Variants in GRTP1 observed in about 807,000 individuals in gnomAD.
GRTP1 encodes the protein growth hormone regulated TBC protein 1, also known as growth hormone-regulated TBC protein 1.
A neutral mutation model predicts 38.1 loss-of-function variants in GRTP1; 56 were observed. The observed-to-expected ratio is 1.47, with a 90% CI of 1.19 to 1.84. The LOEUF is 1.84. Among genes scored for constraint, GRTP1 ranks in the 40% most tolerant of loss-of-function variants. The pLI, the probability that GRTP1 is intolerant of heterozygous loss-of-function variation, is 0.00. For synonymous variants in GRTP1, 217 were observed against 189.5 expected, an observed-to-expected ratio of 1.14 and a Z score of -1.19; for missense variants, 506 against 453.9, an observed-to-expected ratio of 1.11 and a Z score of -1.04.
At chr13:113,350,514 T>TACACATCCCACAGCAC (rs2043243455) in intron 4 of GRTP1, among the ~76,000 whole-genome samples, 1 of 125,608 alleles carries the variant, frequency 8.0e-6, no homozygotes, top group African/African-American at 3.2e-5. Context: ...CCTTCCAGCA[T>TACACATCCCACAGCAC]ACACACCCCA....
intron 3 of GRTP1, among the ~76,000 whole-genome samples, chr13:113,351,222 G>A (rs1033564150): frequency 2.0e-5 from 3 of 152,120 alleles, no homozygotes; most frequent in Non-Finnish European, 2.9e-5. Context: ...ACAGCAGAGC[G>A]ACCCCAGAGC....
chr13:113,340,696 C>T (rs1387497425), intron 5 of GRTP1, among the ~76,000 whole-genome samples: 4 of 151,996 alleles, frequency 2.6e-5, no homozygotes, highest in African/African-American at 7.2e-5. Context: ...AGGAGAATGG[C>T]GTGAACCCGG....
intron 3 of GRTP1, among the ~76,000 whole-genome samples, chr13:113,351,508 T>C (rs980421799): frequency 1.3e-5 from 2 of 152,180 alleles, no homozygotes; most frequent in Admixed American, 6.5e-5. Flanking sequence ...AGTTGTCAGC[T>C]TGTGTGTGCA....
rs533193914 is a variant in GRTP1, at chr13:113,324,269, A to G, written c.*219T>C. The G allele has an allele frequency of 5.3e-6, 3 of 562,098 alleles. No homozygotes were observed. In the South Asian group the frequency reaches 1.6e-4, roughly 30 times the overall value. The allele number at this position is 562,098 out of a possible 1,614,324, so 34.8% of individuals were successfully genotyped here. On this transcript the variant is annotated 3_prime_UTR_variant, in exon 8 of 8. Transcript: ENST00000375431. ...TATATATTATTGATCTCTCAGGTAA[A>G]AATAAGTTTTCTTTAAAAAGTATGA...
intron 5 of GRTP1, among the ~76,000 whole-genome samples, chr13:113,336,049 C>T (rs1595483073): frequency 6.6e-6 from 1 of 152,188 alleles, no homozygotes; most frequent in Non-Finnish European, 1.5e-5. Context: ...GCCTCGGCCT[C>T]ACAAAGTGCT....
chr13:113,334,282 A>ACCCTGCACTGCTACGACC (rs55801264), intron 5 of GRTP1, among the ~76,000 whole-genome samples: 26 of 145,032 alleles, frequency 1.8e-4, no homozygotes, highest in African/African-American at 6.3e-4. Flanking sequence ...CTGCCACGAC[A>ACCCTGCACTGCTACGACC]GCCTCCCGCC....
intron 4 of GRTP1, among the ~76,000 whole-genome samples, chr13:113,346,191 G>GACAAGAGCAGACCCGGGAGGAC (rs2043119259): frequency 8.9e-6 from 1 of 112,208 alleles, no homozygotes; most frequent in Admixed American, 9.9e-5. Flanking sequence ...GACCTCTGTG[G>GACAAGAGCAGACCCGGGAGGAC]CTGAGAGCAG....
At chr13:113,344,577 G>A (rs2043070834) in intron 5 of GRTP1, among the ~76,000 whole-genome samples, 2 of 151,990 alleles carry the variant, frequency 1.3e-5, no homozygotes, top group African/African-American at 4.8e-5. Context: ...GCCGGGTGTG[G>A]TGGCACACAC....
chr13:113,325,883 G>A (rs117936998), intron 6 of GRTP1, 36 bp downstream of exon 6: 22,768 of 1,613,628 alleles, frequency 0.014, 182 homozygotes, highest in Non-Finnish European at 0.017. Flanking sequence ...ACTCCCTGGC[G>A]GCCCGCCCGC....
At chr13:113,338,062 C>T (rs955212883) in intron 5 of GRTP1, among the ~76,000 whole-genome samples, 3 of 152,228 alleles carry the variant, frequency 2.0e-5, no homozygotes, top group African/African-American at 4.8e-5. Flanking sequence ...AGGGCTGCAC[C>T]GACTCATGAC....
At chr13:113,326,149 A>G (rs2302758) in intron 5 of GRTP1, 58 bp from the exon 6 acceptor site, 117,688 of 1,584,682 alleles carry the variant, frequency 0.074, 11,987 homozygotes, top group African/African-American at 0.49. Flanking sequence ...CACAAGCCCC[A>G]TTCCCCTCAG....
In GRTP1 at chr13:113,350,922, G is replaced by A. The variant is rs1157562302; in HGVS notation, c.392C>T (p.Pro131Leu). 10 of 1,613,276 alleles carry A rather than the reference G, an allele frequency of 6.2e-6. No individual in the cohort carries two copies. Among genetic ancestry groups the A allele is most frequent in the South Asian group, 1.1e-5 (1 of 91,068 alleles). Residue 131 changes from proline to leucine, a missense_variant, in exon 4 of 8, where the codon CCC (proline) becomes CTC (leucine). Transcript: ENST00000375431. ...ATTGTACAGGGTCCTCTGTAAGCAG[G>A]GGTCCGTGGTCTTCCGGAACTTCAC... ...DNVKFRKTTDPCLQRTLYNVL... is the reference protein window; with the variant it reads ...DNVKFRKTTDLCLQRTLYNVL...
At chr13:113,327,552 T>C (rs1379943061) in intron 5 of GRTP1, among the ~76,000 whole-genome samples, 3 of 152,232 alleles carry the variant, frequency 2.0e-5, no homozygotes, top group Non-Finnish European at 4.4e-5. Flanking sequence ...GTCCTGTCAC[T>C]GCTTTTCAGA....
chr13:113,363,660 G>C, intron 2 of GRTP1, 102 bp downstream of exon 2: 1 of 1,240,870 alleles, frequency 8.1e-7, no homozygotes, highest in Non-Finnish European at 1.1e-6. Flanking sequence ...GCCCGGAAAG[G>C]TTCCTCCCCC....
intron 4 of GRTP1, among the ~76,000 whole-genome samples, chr13:113,345,383 G>C (rs2043086358): frequency 1.3e-5 from 2 of 152,346 alleles, no homozygotes; most frequent in South Asian, 4.1e-4. Flanking sequence ...GCGGGTGTTA[G>C]GAGAATTTCG....
intron 1 of GRTP1, 22 bp from the exon 2 acceptor site, chr13:113,363,932 G>A: frequency 1.9e-6 from 3 of 1,606,200 alleles, no homozygotes; most frequent in Admixed American, 1.7e-5. Flanking sequence ...AGAGAAGGAG[G>A]CCGGCGTCCC....
rs986471351 is a variant in GRTP1, at chr13:113,343,818, G to A, written c.562+1045C>T. Among the ~76,000 whole-genome samples, 4 of 152,174 alleles carry A rather than the reference G, an allele frequency of 2.6e-5. No homozygotes were observed. Among genetic ancestry groups the A allele is most frequent in the African/African-American group, 9.7e-5 (4 of 41,442 alleles). ...CCCCTCACGTCTCCTCTGCCCTGCA[G>A]GATGAGCACGCAGCCCCCTTGACCC... On this transcript the variant is annotated intron_variant, in intron 5 of 7. Coordinates refer to ENST00000375431, the MANE Select transcript of GRTP1 (RefSeq NM_024719.4). The surrounding 1 kb of genome is among the most constrained non-coding windows in gnomAD (Gnocchi z 4.8).
chr13:113,347,562 G>C (rs1373550064), intron 4 of GRTP1, among the ~76,000 whole-genome samples: 7 of 86,056 alleles, frequency 8.1e-5, no homozygotes, highest in African/African-American at 2.2e-4. Context: ...CTGTGGCAGA[G>C]AGCAGACCCA....
intron 5 of GRTP1, among the ~76,000 whole-genome samples, chr13:113,329,936 G>A (rs2139401490): frequency 6.6e-6 from 1 of 152,380 alleles, no homozygotes; most frequent in South Asian, 2.1e-4. Flanking sequence ...CGCCCAGGTG[G>A]GCAGGGGATG....
Sources: allele counts gnomAD v4.1 joint callset (sites outside exome capture counted in the v4.1 genomes callset), GRCh38; gene constraint gnomAD v4.1.1; non-coding constraint Gnocchi (gnomAD v3.1); transcripts MANE v1.5; gene names NCBI Gene and HGNC (gene_info 2026-07-23, HGNC 2026-07-21).